Variants in CYP4F2 observed in about 807,000 individuals in gnomAD.
The protein encoded by CYP4F2 is cytochrome P450 family 4 subfamily F member 2, also known as cytochrome P450 4F2.
CYP4F2 carries 58 observed loss-of-function variants against 58.9 expected under a neutral mutation model. That is an observed-to-expected ratio of 0.98 (90% CI 0.80 to 1.23). The LOEUF (loss-of-function observed/expected upper bound fraction) is 1.23. Among genes scored for constraint, CYP4F2 ranks in the 50% most tolerant of loss-of-function variants. The pLI is 0.00. For missense variants in CYP4F2, 616 were observed against 685.6 expected, an observed-to-expected ratio of 0.90 and a Z score of 1.13; for synonymous variants, 287 against 261.1, an observed-to-expected ratio of 1.10 and a Z score of -0.95.
chr19:15,886,538 C>T (rs1203066226), intron 7 of CYP4F2: 7 of 518,232 alleles, frequency 1.4e-5, no homozygotes, highest in South Asian at 1.0e-4. Flanking sequence ...ACTGGGAAGA[C>T]TCAATGACCC....
In CYP4F2 at chr19:15,879,609, G is replaced by A. The variant is rs1418098189; in HGVS notation, c.1309C>T (p.Pro437Ser). ...CAGAGAGAGGGGCCCCGCACCTCAG[G>A]GTCCGGCCACACAGCTGGGTTGTGA... ...THHNPAVWPD[P>S]EVYDPFRFDP... is the part of the protein sequence containing the mutation. The change falls in exon 11 of 13, where the codon CCT becomes TCT. Residue 437 changes from proline (P) to serine (S), a missense_variant. Physicochemically the swap from Pro to Ser is moderately conservative, Grantham distance 74. Transcript: ENST00000221700. 2 of 1,613,998 alleles carry A rather than the reference G, an allele frequency of 1.2e-6. No homozygotes were observed. The highest frequency in any genetic ancestry group is 1.7e-6 in the Non-Finnish European group (2 of 1,180,020).
chr19:15,896,543 T>G (rs1057010621), intron 2 of CYP4F2, among the ~76,000 whole-genome samples: 2 of 152,184 alleles, frequency 1.3e-5, no homozygotes, highest in Admixed American at 6.5e-5. Flanking sequence ...GGTCCCCACA[T>G]GCCTTCATGT....
At chr19:15,897,318 T>TGC in intron 2 of CYP4F2, 96 bp downstream of exon 2, 2 of 1,112,530 alleles carry the variant, frequency 1.8e-6, no homozygotes, top group Non-Finnish European at 2.6e-6. Flanking sequence ...CCACCCCAGA[T>TGC]CCCAGCCCAC....
rs2089418883 is a variant in CYP4F2 at position 15,891,976 on chromosome 19, A to G, written c.525+333T>C. On this transcript the variant is annotated intron_variant, in intron 5 of 12. Transcript: ENST00000221700. ...CAAACATAAACACTTATTGGTTTAA[A>G]CCAATGAGTTTTCAGGTGGTTTCTT... Among the ~76,000 whole-genome samples, 3 of 152,214 alleles carry G rather than the reference A, an allele frequency of 2.0e-5. No individual in the cohort carries two copies. The South Asian group carries it at 6.2e-4, about 32-fold the overall frequency.
In CYP4F2 at chr19:15,878,921, C is replaced by G; in HGVS notation, c.1413G>C (p.Gln471His). The G allele has an allele frequency of 6.2e-7, 1 of 1,613,676 alleles. No homozygotes were observed. Among genetic ancestry groups the G allele is most frequent in the Non-Finnish European group, 8.5e-7 (1 of 1,179,848 alleles). Residue 471 changes from glutamine (Q) to histidine (H), a missense_variant, in exon 13 of 13, where the codon CAG (glutamine) becomes CAC (histidine). Gln to His is a conservative substitution (Grantham distance 24). Transcript: ENST00000221700. ...FSAGPRNCIGQTFAMAEMKVV... is the reference protein window; with the variant it reads ...FSAGPRNCIGHTFAMAEMKVV... The stretch of plus-strand genomic sequence containing the variant: ...CCTTCATCTCCGCCATCGCGAACGT[C>G]TGCCCGATGCAGTTCCTAGGGGAGG...
intron 9 of CYP4F2, among the ~76,000 whole-genome samples, chr19:15,881,084 T>A (rs557518579): frequency 3.9e-5 from 6 of 152,308 alleles, no homozygotes; most frequent in Non-Finnish European, 2.9e-5. Context: ...GATGGGAAGA[T>A]GTTTAGATAA....
Position 15,885,922 on chromosome 19 carries a change from A to G in CYP4F2, c.1115+2T>C. 6.2e-7 allele frequency: 1 copy of G among 1,613,036 alleles called. No individual in the cohort carries two copies. The highest frequency in any genetic ancestry group is 8.5e-7 in the Non-Finnish European group (1 of 1,179,410). The stretch of plus-strand genomic sequence containing the variant: ...GAAGAGGCCACAAGCACCTGCACTC[A>G]CCATTCAATCTCTTTAGGCTCACGG... On this transcript the variant is annotated splice_donor_variant, in intron 9 of 12. Transcript: ENST00000221700. LOFTEE classifies it high-confidence loss of function.
At chr19:15,892,234 A>G in intron 5 of CYP4F2, 75 bp downstream of exon 5, 8 of 1,594,534 alleles carry the variant, frequency 5.0e-6, no homozygotes, top group Non-Finnish European at 5.1e-6. Context: ...AGCAGAGCCA[A>G]AACTCCAGAC....
In CYP4F2 at chr19:15,889,469, G is replaced by T. The variant is rs1180195888; in HGVS notation, c.872C>A (p.Ala291Asp). Residue 291 changes from alanine (A) to aspartate (D), a missense_variant, in exon 7 of 13, where the codon GCC becomes GAC. Coordinates refer to ENST00000221700, the MANE Select transcript of CYP4F2 (RefSeq NM_001082.5). ...AATGAAGTCCAAAGTCTTGGATTTG[G>T]CCTTGGCTTGGAGGAAGTCATCAAC... ...QGVDDFLQAK[A>D]KSKTLDFIDV... The T allele has an allele frequency of 6.2e-7, 1 of 1,614,156 alleles. No homozygotes were observed. Among genetic ancestry groups the T allele is most frequent in the Admixed American group, 1.7e-5 (1 of 60,014 alleles).
chr19:15,888,259 CAT>C (rs914891452), intron 7 of CYP4F2, among the ~76,000 whole-genome samples: 2 of 151,908 alleles, frequency 1.3e-5, no homozygotes, highest in Admixed American at 6.5e-5. Context: ...TACACATAAA[CAT>C]AGACACAGAT....
At chr19:15,886,470 C>T in intron 7 of CYP4F2, 162 bp from the exon 8 acceptor site, 3 of 867,974 alleles carry the variant, frequency 3.5e-6, no homozygotes, top group Non-Finnish European at 5.3e-6. Context: ...GTCACCATGG[C>T]CAGAGCCCTC....
chr19:15,886,960 T>C (rs1341474372), intron 7 of CYP4F2, among the ~76,000 whole-genome samples: 2 of 152,170 alleles, frequency 1.3e-5, no homozygotes, highest in Non-Finnish European at 1.5e-5. Context: ...TTGGAGAAAT[T>C]TGACTTGAGG....
chr19:15,889,912 C>T (rs979531355), intron 6 of CYP4F2, among the ~76,000 whole-genome samples: 1 of 152,148 alleles, frequency 6.6e-6, no homozygotes, highest in Admixed American at 6.5e-5. Flanking sequence ...TGCCGCTAGG[C>T]ACCCAGAGCA....
intron 9 of CYP4F2, among the ~76,000 whole-genome samples, chr19:15,880,615 C>G (rs918981437): frequency 6.8e-6 from 1 of 146,556 alleles, no homozygotes; most frequent in African/African-American, 2.7e-5. Flanking sequence ...GCGATAGAGA[C>G]TGCATCTCAA....
chr19:15,880,924 A>G (rs2145000659), intron 9 of CYP4F2, among the ~76,000 whole-genome samples: 1 of 152,374 alleles, frequency 6.6e-6, no homozygotes, highest in Middle Eastern at 3.4e-3. Context: ...AAAATTGTAC[A>G]GTGCAAATGT....
rs1380660130 is a variant in CYP4F2, at chr19:15,886,320, G to A, written c.919-12C>T. 3 of 1,604,874 alleles carry A rather than the reference G, an allele frequency of 1.9e-6. No individual in the cohort carries two copies. Among genetic ancestry groups the A allele is most frequent in the Admixed American group, 1.7e-5 (1 of 58,496 alleles). On this transcript the variant is annotated splice_polypyrimidine_tract_variant and intron_variant, in intron 7 of 12. Coordinates refer to ENST00000221700, the MANE Select transcript of CYP4F2 (RefSeq NM_001082.5). Reference sequence around the variant, plus strand: ...TTCCCGTCTTCATCCTGGAGAGAAGGCAGTAACCCCCCCCAACCCCCACCC... The same window carrying A: ...TTCCCGTCTTCATCCTGGAGAGAAGACAGTAACCCCCCCCAACCCCCACCC...
Position 15,886,238 on chromosome 19 carries a change from T to A in CYP4F2, c.985+4A>T, listed in dbSNP as rs1255075009. Reference sequence around the variant, plus strand: ...CCTCTCTAGCCCCACACTGGGGCCCTCACCCTCAAACATAAAGGTGTCAGC... The same window carrying A: ...CCTCTCTAGCCCCACACTGGGGCCCACACCCTCAAACATAAAGGTGTCAGC... On this transcript the variant is annotated splice_donor_region_variant and intron_variant, in intron 8 of 12. Coordinates refer to ENST00000221700, the MANE Select transcript of CYP4F2 (RefSeq NM_001082.5). 6.2e-7 allele frequency: 1 copy of A among 1,614,050 alleles called. No individual in the cohort carries two copies. The highest frequency in any genetic ancestry group is 1.1e-5 in the South Asian group (1 of 91,076).
chr19:15,895,479 T>G (rs751786616), intron 3 of CYP4F2, 27 bp downstream of exon 3: 2 of 1,475,762 alleles, frequency 1.4e-6, no homozygotes, highest in Admixed American at 2.8e-5. Context: ...TCAAATGCAC[T>G]GCCCCACCAG....
intron 9 of CYP4F2, among the ~76,000 whole-genome samples, chr19:15,881,111 A>C (rs528649377): frequency 6.6e-6 from 1 of 152,366 alleles, no homozygotes; most frequent in East Asian, 1.9e-4. Context: ...ACACGATGGA[A>C]TACTATACAG....
Sources: gnomAD v4.1 joint callset for allele counts (sites outside exome capture counted in the v4.1 genomes callset) on GRCh38, gnomAD v4.1.1 for gene constraint, MANE v1.5 for transcripts, NCBI Gene and HGNC (gene_info 2026-07-23, HGNC 2026-07-21) for gene names.